The following DACH2 variants were observed in gnomAD, a reference collection of about 807,000 sequenced individuals.
The protein encoded by DACH2 is dachshund homolog 2.
Under a neutral mutation model 35.8 loss-of-function variants are expected in DACH2, and 17 were observed. That is an observed-to-expected ratio of 0.48 (90% confidence interval 0.33 to 0.71). The LOEUF (loss-of-function observed/expected upper bound fraction) is 0.71, where lower values mean the gene tolerates loss of function less well. Ranked by LOEUF, DACH2 falls within the 30% of genes least tolerant of loss-of-function variation. The pLI is 0.02. For missense variants in DACH2, 469 were observed against 472.7 expected, an observed-to-expected ratio of 0.99 and a Z score of 0.07; for synonymous variants, 195 against 177.3, an observed-to-expected ratio of 1.10 and a Z score of -0.79.
chrX:86,474,327 G>A (rs758740728), intron 2 of DACH2, among the ~76,000 whole-genome samples: 1 of 111,503 alleles, frequency 9.0e-6, no homozygotes, highest in Non-Finnish European at 1.9e-5. Flanking sequence ...TGTCTTTGTT[G>A]ATTGTTTCCT....
At chrX:86,310,202 T>A (rs932232272) in intron 1 of DACH2, among the ~76,000 whole-genome samples, 4 of 112,119 alleles carry the variant, frequency 3.6e-5, no homozygotes, top group Non-Finnish European at 7.5e-5. Flanking sequence ...ATGAACTGGG[T>A]GCTTTCTGAC....
chrX:86,340,191 G>GT (rs766107541), intron 1 of DACH2, among the ~76,000 whole-genome samples: 50 of 111,311 alleles, frequency 4.5e-4, no homozygotes, highest in African/African-American at 1.3e-3. Context: ...TTGATATTGT[G>GT]TTTTTTTACA....
intron 4 of DACH2, among the ~76,000 whole-genome samples, chrX:86,685,601 T>G (rs181932964): frequency 1.8e-5 from 2 of 111,188 alleles, no homozygotes; most frequent in Admixed American, 1.9e-4. Context: ...TTCTCAGTAA[T>G]TGTTCAATAG....
chrX:86,451,114 T>C (rs1306945724), intron 2 of DACH2, among the ~76,000 whole-genome samples: 3 of 111,944 alleles, frequency 2.7e-5, no homozygotes, highest in African/African-American at 9.7e-5. Flanking sequence ...CAATTGCTTT[T>C]GGTGTTTTTG....
At chrX:86,212,480 G>A (rs1441236604) in intron 1 of DACH2, among the ~76,000 whole-genome samples, 4 of 111,061 alleles carry the variant, frequency 3.6e-5, no homozygotes, top group Admixed American at 2.9e-4. Context: ...TAATGTATGT[G>A]TTCATGGTTC....
chrX:86,158,730 G>A (rs1462584565), intron 1 of DACH2, among the ~76,000 whole-genome samples: 1 of 110,949 alleles, frequency 9.0e-6, no homozygotes, highest in East Asian at 2.8e-4. Flanking sequence ...ACTAAATTAT[G>A]AAATATTTGA....
chrX:86,541,652 T>C (rs910659712), intron 3 of DACH2, among the ~76,000 whole-genome samples: 3 of 111,664 alleles, frequency 2.7e-5, no homozygotes. Context: ...TAATATTTAA[T>C]TCATTTGAGA....
At chrX:86,426,709 T>A (rs1162949221) in intron 2 of DACH2, among the ~76,000 whole-genome samples, 1 of 111,435 alleles carries the variant, frequency 9.0e-6, no homozygotes, top group African/African-American at 3.3e-5. Flanking sequence ...TTACTAGAAT[T>A]GTACTCTAAG....
chrX:86,414,044 T>C (rs142604316), intron 2 of DACH2, among the ~76,000 whole-genome samples: 3 of 111,344 alleles, frequency 2.7e-5, no homozygotes, highest in Admixed American at 9.6e-5. Context: ...GAGAAGGATG[T>C]GAGAAAGGTT....
chrX:86,362,536 A>AGAT (rs971597978), intron 1 of DACH2, among the ~76,000 whole-genome samples: 12 of 111,704 alleles, frequency 1.1e-4, no homozygotes, highest in Non-Finnish European at 1.9e-4. Flanking sequence ...AGTTCACAGG[A>AGAT]GATCCACAAT....
intron 7 of DACH2, among the ~76,000 whole-genome samples, chrX:86,757,196 A>G (rs967114150): frequency 2.7e-5 from 3 of 111,698 alleles, no homozygotes; most frequent in Non-Finnish European, 5.6e-5. Flanking sequence ...TGAGCTAAAT[A>G]TGATATTTTG....
chrX:86,341,505 A>G (rs1304344222), intron 1 of DACH2, among the ~76,000 whole-genome samples: 1 of 112,282 alleles, frequency 8.9e-6, no homozygotes, highest in East Asian at 2.8e-4. Flanking sequence ...TGGTCACCCA[A>G]GAGCCGTGAT....
chrX:86,391,282 TAAAAAAAAAAAAAAAAAA>T (rs55941702), intron 2 of DACH2, among the ~76,000 whole-genome samples: 6 of 21,432 alleles, frequency 2.8e-4, no homozygotes, highest in East Asian at 1.8e-3. Flanking sequence ...GGCTCTGTCT[TAAAAAAAAAAAAAAAAAA>T]AAAAAAAAAA....
chrX:86,257,773 T>G (rs1174690558), intron 1 of DACH2, among the ~76,000 whole-genome samples: 1 of 112,384 alleles, frequency 8.9e-6, no homozygotes, highest in Non-Finnish European at 1.9e-5. Flanking sequence ...GCAGTCTAAT[T>G]AATTCTAATG....
chrX:86,725,567 C>G (rs1244019155), intron 6 of DACH2, among the ~76,000 whole-genome samples: 1 of 111,197 alleles, frequency 9.0e-6, no homozygotes, highest in Non-Finnish European at 1.9e-5. Context: ...TCTGCCTGTT[C>G]TTAGTCCCCA....
At chrX:86,331,313 A>C (rs2148049125) in intron 1 of DACH2, among the ~76,000 whole-genome samples, 1 of 111,503 alleles carries the variant, frequency 9.0e-6, no homozygotes, top group South Asian at 3.7e-4. Flanking sequence ...CAATGTGGTT[A>C]GTTATACTGC....
intron 2 of DACH2, among the ~76,000 whole-genome samples, 193 bp downstream of exon 2, chrX:86,377,055 A>G (rs931754526): frequency 9.0e-6 from 1 of 111,277 alleles, no homozygotes; most frequent in Non-Finnish European, 1.9e-5. Context: ...AATGAAATCC[A>G]AAGAGTGAAT....
chrX:86,599,686 G>A (rs1458619431), intron 3 of DACH2, among the ~76,000 whole-genome samples: 4 of 109,464 alleles, frequency 3.7e-5, no homozygotes, highest in East Asian at 2.9e-4. Flanking sequence ...TGGTAGAGAC[G>A]GGTTTTGCCA....
chrX:86,322,210 G>T (rs1411316077), intron 1 of DACH2, among the ~76,000 whole-genome samples: 2 of 111,307 alleles, frequency 1.8e-5, no homozygotes, highest in African/African-American at 3.3e-5. Flanking sequence ...CACAGGCTAG[G>T]TTTGTTCATT....
Sources: gnomAD v4.1 joint callset for allele counts (sites outside exome capture counted in the v4.1 genomes callset) on GRCh38, gnomAD v4.1.1 for gene constraint, MANE v1.5 for transcripts, NCBI Gene and HGNC (gene_info 2026-07-23, HGNC 2026-07-21) for gene names.